Variants in DSTYK observed in about 807,000 individuals in gnomAD.
DSTYK encodes the protein RIP-homologous kinase.
DSTYK carries 34 observed loss-of-function variants against 98.7 expected under a neutral mutation model. That is an observed-to-expected ratio of 0.34 (90% confidence interval 0.26 to 0.46). The LOEUF is 0.46. Among genes scored for constraint, DSTYK ranks in the 20% least tolerant of loss-of-function variants. The pLI is 1.00. For missense variants in DSTYK, 962 were observed against 1,181.7 expected (o/e 0.81, Z 2.73); for synonymous variants, 462 against 457.3 (o/e 1.01, Z -0.13).
chr1:205,208,555 A>G (rs1183205285), intron 1 of DSTYK, among the ~76,000 whole-genome samples: 3 of 152,192 alleles, frequency 2.0e-5, no homozygotes, highest in African/African-American at 7.2e-5. Context: ...CCAAGTTCCT[A>G]TTAATCAGAG....
chr1:205,165,933 G>A (rs1657874450), intron 3 of DSTYK, among the ~76,000 whole-genome samples: 1 of 151,908 alleles, frequency 6.6e-6, no homozygotes, highest in Admixed American at 6.6e-5. Flanking sequence ...GAGGTGGGAG[G>A]ATTCCTTGAA....
In DSTYK at chr1:205,146,990, G is replaced by C. The variant is rs939323188; in HGVS notation, c.*568C>G. On this transcript the variant is annotated 3_prime_UTR_variant, in exon 13 of 13. Transcript: ENST00000367162. ...AAACACACTGGCACTATGAGGAACA[G>C]ATAGCTCTGTTTCTAGCTCCCTCAC... The C allele has an allele frequency of 2.0e-5, 3 of 152,390 alleles. No homozygotes were observed. Among genetic ancestry groups the C allele is most frequent in the Non-Finnish European group, 2.9e-5 (2 of 68,120 alleles). 9.4% of individuals were successfully genotyped at this position (152,390 alleles called of 1,614,324 possible).
At position 205,144,338 on chromosome 1, in the gene DSTYK, A is replaced by C. The variant is rs1206857803; in HGVS notation, c.*3220T>G. The C allele has an allele frequency of 6.6e-6, 1 of 152,658 alleles. No homozygotes were observed. Among genetic ancestry groups the C allele is most frequent in the Non-Finnish European group, 1.5e-5 (1 of 68,064 alleles). 9.5% of individuals were successfully genotyped at this position (152,658 alleles called of 1,614,324 possible). A position where few individuals can be genotyped will look rare whatever the true frequency, so the allele number is the denominator to read the frequency against. On this transcript the variant is annotated 3_prime_UTR_variant, in exon 13 of 13. Transcript: ENST00000367162. ...CCATCCTTTTTCTTCCTCCAGCCAC[A>C]ATCTCACCTCACCACTTGGGAACAC...
intron 2 of DSTYK, among the ~76,000 whole-genome samples, chr1:205,176,281 C>G (rs532892005): frequency 5.9e-5 from 9 of 151,892 alleles, no homozygotes; most frequent in Non-Finnish European, 1.3e-4. Context: ...AGTTCAAGAC[C>G]AGCCTGATCA....
chr1:205,159,500 A>G lies in DSTYK; in HGVS notation c.2238+47T>C, dbSNP rs557538752. 43 of 1,577,796 alleles carry G rather than the reference A, an allele frequency of 2.7e-5. No individual in the cohort carries two copies. In the Middle Eastern group the frequency reaches 8.4e-4, roughly 31 times the overall value. On this transcript the variant is annotated intron_variant, in intron 9 of 12. Transcript: ENST00000367162. ...AACAGGAGAGGATGAGTGGCCAGAAAGGAACCCGTGGATTTGGCTGCCAGC... is the reference window on the plus strand; with the variant it reads ...AACAGGAGAGGATGAGTGGCCAGAAGGGAACCCGTGGATTTGGCTGCCAGC...
chr1:205,160,143 A>G lies in DSTYK; in HGVS notation c.2076T>C (p.Asn692=), dbSNP rs765845654. The G allele has an allele frequency of 3.7e-6, 6 of 1,614,208 alleles. No individual in the cohort carries two copies. In the East Asian group the frequency reaches 1.3e-4, roughly 36 times the overall value. ...SVVPPDEKHW[N]DLALEFHYMR... Reference sequence around the variant, plus strand: ...TATAGTGAAATTCCAAAGCCAGATCATTCCAGTGCTTCTCATCTGGAGGGA... The same window carrying G: ...TATAGTGAAATTCCAAAGCCAGATCGTTCCAGTGCTTCTCATCTGGAGGGA... Residue 692 remains asparagine, a synonymous_variant, in exon 8 of 13, where the codon AAT becomes AAC. Coordinates refer to ENST00000367162, the MANE Select transcript of DSTYK (RefSeq NM_015375.3).
intron 2 of DSTYK, chr1:205,173,490 G>A (rs1246380013): frequency 6.7e-6 from 1 of 150,374 alleles, no homozygotes; most frequent in Non-Finnish European, 1.5e-5. Context: ...CTGCCCTAAA[G>A]ACATATTTTT....
At chr1:205,177,297 T>C (rs1658260646) in intron 2 of DSTYK, among the ~76,000 whole-genome samples, 1 of 152,216 alleles carries the variant, frequency 6.6e-6, no homozygotes, top group African/African-American at 2.4e-5. Context: ...TTGCTTTCTC[T>C]AGAGTTCTGA....
intron 5 of DSTYK, 49 bp downstream of exon 5, chr1:205,162,874 T>C (rs1317340330): frequency 1.4e-6 from 2 of 1,411,804 alleles, no homozygotes; most frequent in Admixed American, 1.7e-5. Flanking sequence ...TATGATTCAT[T>C]TGAGCCAACT....
At chr1:205,184,429 G>A (rs562648846) in intron 2 of DSTYK, among the ~76,000 whole-genome samples, 77 of 151,964 alleles carry the variant, frequency 5.1e-4, no homozygotes, top group Middle Eastern at 3.4e-3. Flanking sequence ...AAAATTAGTC[G>A]AGTGTGGTGG....
intron 1 of DSTYK, among the ~76,000 whole-genome samples, chr1:205,198,918 G>A (rs944056590): frequency 6.7e-6 from 1 of 148,678 alleles, no homozygotes; most frequent in Non-Finnish European, 1.5e-5. Context: ...TTCAATCTCT[G>A]CCTCCCAGGT....
In DSTYK at chr1:205,160,153, T is replaced by G; in HGVS notation, c.2066A>C (p.Lys689Thr). ...TTCCAAAGCCAGATCATTCCAGTGCTTCTCATCTGGAGGGACAACTGATTT... is the reference window on the plus strand; with the variant it reads ...TTCCAAAGCCAGATCATTCCAGTGCGTCTCATCTGGAGGGACAACTGATTT... ...ALKSVVPPDE[K>T]HWNDLALEFH... Residue 689 changes from lysine (K) to threonine (T), a missense_variant, in exon 8 of 13, where the codon AAG becomes ACG. Physicochemically the swap from Lys to Thr is moderately conservative, Grantham distance 78. This residue lies in a region of DSTYK where 660 missense variants were observed against 855.0 expected (regional missense o/e 0.77). Transcript: ENST00000367162. 1 of 1,614,162 alleles carries G rather than the reference T, an allele frequency of 6.2e-7. No individual in the cohort carries two copies. Among genetic ancestry groups the G allele is most frequent in the East Asian group, 2.2e-5 (1 of 44,880 alleles).
At chr1:205,202,934 T>C (rs1247819004) in intron 1 of DSTYK, among the ~76,000 whole-genome samples, 1 of 152,130 alleles carries the variant, frequency 6.6e-6, no homozygotes, top group African/African-American at 2.4e-5. Context: ...TTTTGAGAAG[T>C]GCATTTATTG....
At chr1:205,184,671 T>C (rs1362515403) in intron 2 of DSTYK, among the ~76,000 whole-genome samples, 1 of 152,156 alleles carries the variant, frequency 6.6e-6, no homozygotes, top group Non-Finnish European at 1.5e-5. Flanking sequence ...CCAAGTGTTG[T>C]ACAGTGCTAC....
At chr1:205,155,406 C>T (rs1043481685) in intron 10 of DSTYK, among the ~76,000 whole-genome samples, 6 of 152,078 alleles carry the variant, frequency 3.9e-5, no homozygotes, top group Admixed American at 6.5e-5. Context: ...CAGTGCCTCA[C>T]GCCTAAAATT....
In DSTYK at chr1:205,198,284, G is replaced by A. The variant is rs570547760; in HGVS notation, c.266-10478C>T. 1.5e-4 allele frequency among the ~76,000 whole-genome samples: 23 copies of A among 152,248 alleles called. No homozygotes were observed. In the South Asian group the frequency reaches 2.3e-3, roughly 15 times the overall value. The stretch of plus-strand genomic sequence containing the variant: ...CTGTAGTGGCCCCTTATGTTTATTA[G>A]TGGTAGAGACTATATTGCCATTATA... On this transcript the variant is annotated intron_variant, in intron 1 of 12. Transcript: ENST00000367162.
chr1:205,159,659 C>T lies in DSTYK; in HGVS notation c.2126G>A (p.Arg709Gln), dbSNP rs774733889. 3.1e-6 allele frequency: 5 copies of T among 1,613,486 alleles called. No homozygotes were observed. The highest frequency in any genetic ancestry group is 1.3e-5 in the African/African-American group (1 of 74,886). The change falls in exon 9 of 13, where the codon CGA becomes CAA. Residue 709 changes from arginine to glutamine, a missense_variant. Around this residue, in one of 4 missense-constraint regions of DSTYK, gnomAD observed 660 missense variants for 855.0 expected, o/e 0.77. Coordinates refer to ENST00000367162, the MANE Select transcript of DSTYK (RefSeq NM_015375.3). ...GACTGAACCATGGAGATCCACCAATCGCTCATGCTTCGGCAGAGACCTGGA... is the reference window on the plus strand; with the variant it reads ...GACTGAACCATGGAGATCCACCAATTGCTCATGCTTCGGCAGAGACCTGGA... The part of the protein sequence containing the change: ...HYMRSLPKHE[R>Q]LVDLHGSVID...
chr1:205,174,512 C>CAA (rs1558612516), intron 2 of DSTYK, among the ~76,000 whole-genome samples: 849 of 39,966 alleles, frequency 0.021, 18 homozygotes, highest in African/African-American at 0.046. Context: ...GACTCCGTCT[C>CAA]CAAAAAAAAA....
At chr1:205,174,539 T>C (rs1658169333) in intron 2 of DSTYK, among the ~76,000 whole-genome samples, 1 of 147,586 alleles carries the variant, frequency 6.8e-6, no homozygotes, top group Non-Finnish European at 1.5e-5. Flanking sequence ...AAAAATTAGC[T>C]GGGCATGGTG....
Sources: gnomAD v4.1 joint callset for allele counts (sites outside exome capture counted in the v4.1 genomes callset) on GRCh38, gnomAD v4.1.1 for gene constraint, gnomAD v4.1.1 regional missense constraint, MANE v1.5 for transcripts, NCBI Gene and HGNC (gene_info 2026-07-23, HGNC 2026-07-21) for gene names.